NOS1: variants seen among roughly 807,000 people sequenced by gnomAD.
The protein encoded by NOS1 is NOS type I.
In NOS1, 51 loss-of-function variants were observed where a neutral mutation model predicts 164.5. The observed-to-expected ratio is 0.31, with a 90% CI of 0.25 to 0.39. NOS1 has a LOEUF of 0.39. Among genes scored for constraint, NOS1 ranks in the 10% least tolerant of loss-of-function variants. The pLI is 1.00. For missense variants in NOS1, 1,362 were observed against 1,885.6 expected, an observed-to-expected ratio of 0.72 and a Z score of 5.14; for synonymous variants, 719 against 745.8, an observed-to-expected ratio of 0.96 and a Z score of 0.59.
chr12:117,283,849 C>CT (rs1873884664), intron 7 of NOS1, among the ~76,000 whole-genome samples: 1 of 97,140 alleles, frequency 1.0e-5, no homozygotes, highest in African/African-American at 4.3e-5. Flanking sequence ...GAGCAAGACT[C>CT]TGTCTCAAAA....
intron 1 of NOS1, among the ~76,000 whole-genome samples, chr12:117,357,189 G>C (rs1330441649): frequency 1.3e-5 from 2 of 152,158 alleles, no homozygotes; most frequent in East Asian, 3.9e-4. Flanking sequence ...CTGGTGTGGT[G>C]GCACAGGCCT....
Position 117,288,115 on chromosome 12 carries a change from G to T in NOS1, c.1086C>A (p.Leu362=), listed in dbSNP as rs1180877211. The part of the protein sequence containing the change: ...DVRTKGQLFP[L]AKEFIDQYYS... ...AGTATTGATCAATAAACTCTTTGGC[G>T]AGAGGGAAGAGCTGTCCTTTTGTGC... Residue 362 remains leucine, a synonymous_variant, in exon 5 of 29, where the codon CTC becomes CTA. Coordinates refer to ENST00000317775, the MANE Select transcript of NOS1 (RefSeq NM_000620.5). 4.3e-6 allele frequency: 7 copies of T among 1,614,058 alleles called. No homozygotes were observed. The African/African-American group carries it at 9.3e-5, about 22-fold the overall frequency.
chr12:117,318,661 G>A (rs768067148), intron 2 of NOS1, among the ~76,000 whole-genome samples: 4 of 152,188 alleles, frequency 2.6e-5, no homozygotes, highest in Non-Finnish European at 4.4e-5. Context: ...GTTTGAAGGT[G>A]GGTCGATTGG....
intron 10 of NOS1, among the ~76,000 whole-genome samples, chr12:117,270,215 T>C (rs1281167250): frequency 6.6e-6 from 1 of 152,156 alleles, no homozygotes; most frequent in African/African-American, 2.4e-5. Context: ...TAGTCACTGG[T>C]GGGAACCCAG....
chr12:117,352,816 T>C (rs1168317265), intron 1 of NOS1, among the ~76,000 whole-genome samples: 1 of 152,118 alleles, frequency 6.6e-6, no homozygotes, highest in Non-Finnish European at 1.5e-5. Context: ...GGCTAAATAT[T>C]ATTCTCCAAA....
intron 2 of NOS1, among the ~76,000 whole-genome samples, chr12:117,313,678 AGG>A (rs986478641): frequency 6.6e-6 from 1 of 152,150 alleles, no homozygotes; most frequent in African/African-American, 2.4e-5. Flanking sequence ...GATCTCAGCT[AGG>A]TTCCACAGGC....
At chr12:117,282,429 T>C (rs761793816) in intron 7 of NOS1, among the ~76,000 whole-genome samples, 1 of 152,192 alleles carries the variant, frequency 6.6e-6, no homozygotes, top group Non-Finnish European at 1.5e-5. Flanking sequence ...CAGAACTGTG[T>C]CCCTGCTGAT....
chr12:117,340,881 T>TC (rs1876075606), intron 1 of NOS1, among the ~76,000 whole-genome samples: 1 of 112,426 alleles, frequency 8.9e-6, no homozygotes, highest in Admixed American at 1.0e-4. Flanking sequence ...CTATTTTTTT[T>TC]TTTTTTTTTT....
At position 117,234,035 on chromosome 12, in the gene NOS1, AC is replaced by A. The variant is rs1869494323; in HGVS notation, c.3235+529del. Among the ~76,000 whole-genome samples the A allele has an allele frequency of 6.6e-6, 1 of 152,030 alleles. No homozygotes were observed. Among genetic ancestry groups the A allele is most frequent in the Non-Finnish European group, 1.5e-5 (1 of 68,010 alleles). On this transcript the variant is annotated intron_variant, in intron 21 of 28. Transcript: ENST00000317775. This position sits in a 1 kb window ranked among gnomAD's most constrained non-coding sequence, Gnocchi z 4.3. ...CTGTGCTCCTGGATGAAGCACTGAG[AC>A]CCATTTGCCTTTGAAAGTTCTTCAA...
At chr12:117,357,804 T>C (rs1294663623) in intron 1 of NOS1, among the ~76,000 whole-genome samples, 1 of 152,204 alleles carries the variant, frequency 6.6e-6, no homozygotes, top group Non-Finnish European at 1.5e-5. Flanking sequence ...CTGGATTAGA[T>C]GATGTTTAAA....
chr12:117,288,886 T>C (rs932166669), intron 4 of NOS1, among the ~76,000 whole-genome samples: 1 of 152,148 alleles, frequency 6.6e-6, no homozygotes, highest in East Asian at 1.9e-4. Context: ...GCCAGGACCA[T>C]CCTAGACCAC....
rs936781879 is a variant in NOS1, at chr12:117,208,280, C to T, written c.*7029G>A. On this transcript the variant is annotated 3_prime_UTR_variant, in exon 29 of 29. Coordinates refer to ENST00000317775, the MANE Select transcript of NOS1 (RefSeq NM_000620.5). Reference sequence around the variant, plus strand: ...ACAGCCTGGACAACCTCGCAAAGAGCGTGGGGTGGGCGTCAGTCCTTCAAG... The same window carrying T: ...ACAGCCTGGACAACCTCGCAAAGAGTGTGGGGTGGGCGTCAGTCCTTCAAG... The T allele has an allele frequency of 1.9e-5, 24 of 1,288,110 alleles. No homozygotes were observed. The highest frequency in any genetic ancestry group is 1.9e-4 in the South Asian group (15 of 80,838). The allele number at this position is 1,288,110 out of a possible 1,614,324, so 79.8% of individuals were successfully genotyped here.
At position 117,243,567 on chromosome 12, in the gene NOS1, A is replaced by ATCCC; in HGVS notation, c.2824-133_2824-132insGGGA. 1 of 808,374 alleles carries ATCCC rather than the reference A, an allele frequency of 1.2e-6. No individual in the cohort carries two copies. The highest frequency in any genetic ancestry group is 1.9e-6 in the Non-Finnish European group (1 of 515,546). The allele number at this position is 808,374 out of a possible 1,614,324, so 50.1% of individuals were successfully genotyped here. On this transcript the variant is annotated intron_variant, in intron 18 of 28. Transcript: ENST00000317775. The surrounding 1 kb of genome is among the most constrained non-coding windows in gnomAD (Gnocchi z 4.3). ...TATCCAACCATCCATCCATCCATCC[A>ATCCC]TCCATCCATCCATCCATCCATCCAG...
intron 8 of NOS1, 83 bp downstream of exon 8, chr12:117,280,642 A>T: frequency 7.1e-7 from 1 of 1,407,490 alleles, no homozygotes; most frequent in Non-Finnish European, 9.7e-7. Flanking sequence ...TCCTGTGATG[A>T]TAGCATTAAG....
intron 9 of NOS1, among the ~76,000 whole-genome samples, chr12:117,273,204 G>A (rs563307770): frequency 6.6e-6 from 1 of 152,322 alleles, no homozygotes; most frequent in East Asian, 1.9e-4. Context: ...GTAATTATGT[G>A]TGTAAGAACT....
chr12:117,277,649 C>T (rs981269368), intron 9 of NOS1, among the ~76,000 whole-genome samples: 11 of 151,978 alleles, frequency 7.2e-5, no homozygotes, highest in African/African-American at 9.7e-5. Flanking sequence ...AAAGTGTGCT[C>T]GCAACAAGAA....
rs9658476 is a variant in NOS1 at position 117,242,614 on chromosome 12, A to C, written c.3041+13T>G. 5.9e-3 allele frequency: 9,529 copies of C among 1,612,218 alleles called. 42 individuals carry two copies. Among genetic ancestry groups the C allele is most frequent in the Non-Finnish European group, 7.2e-3 (8,468 of 1,178,246 alleles). ...GAAGACGTAGGTAACCCAGTGAACC[A>C]AGATGTTCCTACCTGGATTTAGGGC... On this transcript the variant is annotated intron_variant, in intron 20 of 28. Transcript: ENST00000317775.
intron 3 of NOS1, among the ~76,000 whole-genome samples, chr12:117,310,686 A>C (rs1874385256): frequency 6.6e-6 from 1 of 152,070 alleles, no homozygotes; most frequent in Non-Finnish European, 1.5e-5. Flanking sequence ...TCTGTCACTC[A>C]GGCTAGAGTG....
chr12:117,222,902 T>C lies in NOS1; in HGVS notation c.3827-39A>G. 2.5e-6 allele frequency: 4 copies of C among 1,600,460 alleles called. 1 individual carries two copies. The South Asian group carries it at 4.5e-5, about 18-fold the overall frequency. ...AGACCTTATGTCACCGATGGCTCTCTGCCTGATGTGCAGGGTGGCTGAGGT... is the reference window on the plus strand; with the variant it reads ...AGACCTTATGTCACCGATGGCTCTCCGCCTGATGTGCAGGGTGGCTGAGGT... On this transcript the variant is annotated intron_variant, in intron 25 of 28. Coordinates refer to ENST00000317775, the MANE Select transcript of NOS1 (RefSeq NM_000620.5).
Sources: gnomAD v4.1 joint callset for allele counts (sites outside exome capture counted in the v4.1 genomes callset) on GRCh38, gnomAD v4.1.1 for gene constraint, Gnocchi (gnomAD v3.1) non-coding constraint, MANE v1.5 for transcripts, NCBI Gene and HGNC (gene_info 2026-07-23, HGNC 2026-07-21) for gene names.